The following CMTM8 variants were observed in gnomAD, a reference collection of about 807,000 sequenced individuals.
The protein encoded by CMTM8 is CKLF like MARVEL transmembrane domain containing 8.
Under a neutral mutation model 18.6 loss-of-function variants are expected in CMTM8, and 12 were observed. The observed-to-expected ratio is 0.65, with a 90% CI of 0.41 to 1.05. The LOEUF (loss-of-function observed/expected upper bound fraction) is 1.05. Ranked by LOEUF, CMTM8 falls within the 50% of genes least tolerant of loss-of-function variation. The pLI, the probability that CMTM8 is intolerant of heterozygous loss-of-function variation, is 0.00. For missense variants in CMTM8, 217 were observed against 227.2 expected, an observed-to-expected ratio of 0.95 and a Z score of 0.29; for synonymous variants, 87 against 90.6, an observed-to-expected ratio of 0.96 and a Z score of 0.23.
In CMTM8 at chr3:32,358,883, A is replaced by G. The variant is rs1446332653; in HGVS notation, c.321+1337A>G. ...AAGACTCGCTTAGATGCTAGATTCA[A>G]AAAAAGTTAGCACCTTGAAGTAATA... is the stretch of plus-strand genomic sequence containing the variant. On this transcript the variant is annotated intron_variant, in intron 2 of 3. Coordinates refer to ENST00000307526, the MANE Select transcript of CMTM8 (RefSeq NM_178868.5). This position sits in a 1 kb window ranked among gnomAD's most constrained non-coding sequence, Gnocchi z 4.1. Among the ~76,000 whole-genome samples the G allele has an allele frequency of 6.6e-5, 10 of 152,200 alleles. No homozygotes were observed. The highest frequency in any genetic ancestry group is 5.9e-5 in the Non-Finnish European group (4 of 68,028).
intron 1 of CMTM8, among the ~76,000 whole-genome samples, chr3:32,267,960 A>C (rs1384677524): frequency 2.0e-5 from 3 of 152,192 alleles, no homozygotes. Flanking sequence ...GCTGGAGAGG[A>C]TGTGGAGAAA....
chr3:32,267,769 C>T (rs970526871), intron 1 of CMTM8, among the ~76,000 whole-genome samples: 8 of 152,016 alleles, frequency 5.3e-5, no homozygotes, highest in Admixed American at 4.6e-4. Context: ...AAAACAACCC[C>T]ATCAAAAAGT....
chr3:32,362,725 C>T (rs1696960718), intron 2 of CMTM8, among the ~76,000 whole-genome samples: 1 of 152,074 alleles, frequency 6.6e-6, no homozygotes, highest in Admixed American at 6.6e-5. Flanking sequence ...TGTAAATCTT[C>T]CAAAAGACCC....
At chr3:32,267,809 A>G (rs985194681) in intron 1 of CMTM8, among the ~76,000 whole-genome samples, 3 of 152,260 alleles carry the variant, frequency 2.0e-5, no homozygotes, top group African/African-American at 7.2e-5. Flanking sequence ...ACACTTCTCA[A>G]AAGAAGACAT....
upstream of CMTM8, chr3:32,238,537 C>T (rs1701897694): frequency 6.5e-6 from 1 of 153,280 alleles, no homozygotes; most frequent in East Asian, 1.9e-4. Context: ...ACCCAGCCAC[C>T]CTGGGTGCGA....
At chr3:32,272,973 A>C (rs981242682) in intron 1 of CMTM8, among the ~76,000 whole-genome samples, 1 of 152,214 alleles carries the variant, frequency 6.6e-6, no homozygotes. Context: ...AGATATACAG[A>C]CAGCCAATAA....
chr3:32,354,998 C>T (rs1466624241), intron 1 of CMTM8, among the ~76,000 whole-genome samples: 3 of 152,154 alleles, frequency 2.0e-5, no homozygotes, highest in African/African-American at 4.8e-5. Flanking sequence ...CTCTGGAATT[C>T]ATATACTAAC....
At chr3:32,295,023 C>G (rs1378225189) in intron 1 of CMTM8, among the ~76,000 whole-genome samples, 3 of 152,020 alleles carry the variant, frequency 2.0e-5, no homozygotes, top group South Asian at 2.1e-4. Flanking sequence ...CCACTGCAAT[C>G]CAGCCTGGGT....
At chr3:32,259,035 C>T in intron 1 of CMTM8, 1 of 364,240 alleles carries the variant, frequency 2.7e-6, no homozygotes, top group Non-Finnish European at 5.3e-6. Context: ...GTCAGCAGTG[C>T]AGCAAGCATC....
intron 1 of CMTM8, among the ~76,000 whole-genome samples, chr3:32,301,920 A>G (rs945296985): frequency 6.6e-6 from 1 of 152,052 alleles, no homozygotes. Flanking sequence ...GCTTGAATTC[A>G]TAGTCATTAA....
At chr3:32,241,979 A>G (rs999591207) in intron 1 of CMTM8, among the ~76,000 whole-genome samples, 2 of 152,246 alleles carry the variant, frequency 1.3e-5, no homozygotes, top group Non-Finnish European at 2.9e-5. Context: ...AATCGTCTTC[A>G]TGACTGGCCT....
At chr3:32,281,407 AG>A (rs1270921743) in intron 1 of CMTM8, among the ~76,000 whole-genome samples, 1 of 152,206 alleles carries the variant, frequency 6.6e-6, no homozygotes, top group Admixed American at 6.5e-5. Flanking sequence ...TCTTGGGGGT[AG>A]GGAGGGAAAT....
chr3:32,288,005 C>T (rs4380451), intron 1 of CMTM8, among the ~76,000 whole-genome samples: 39,524 of 152,030 alleles, frequency 0.26, 5,419 homozygotes, highest in Admixed American at 0.32. Flanking sequence ...TTAATTCACA[C>T]GATACATTAT....
At chr3:32,366,337 A>G (rs915404853) in intron 2 of CMTM8, among the ~76,000 whole-genome samples, 1 of 152,138 alleles carries the variant, frequency 6.6e-6, no homozygotes, top group Non-Finnish European at 1.5e-5. Flanking sequence ...GGATCATTGC[A>G]TGTTCACAGG....
chr3:32,306,362 C>G (rs1185836887), intron 1 of CMTM8, among the ~76,000 whole-genome samples: 1 of 152,198 alleles, frequency 6.6e-6, no homozygotes, highest in East Asian at 1.9e-4. Flanking sequence ...AGGCACGAGT[C>G]CAATCCACAA....
At chr3:32,252,674 G>A (rs553095874) in intron 1 of CMTM8, among the ~76,000 whole-genome samples, 2 of 152,310 alleles carry the variant, frequency 1.3e-5, no homozygotes, top group South Asian at 2.1e-4. Context: ...TGATTTATAA[G>A]AAAGCTGTTA....
intron 1 of CMTM8, chr3:32,260,091 A>C (rs1454973348): frequency 1.5e-5 from 16 of 1,058,434 alleles, no homozygotes; most frequent in Non-Finnish European, 2.3e-5. Context: ...CGCCTGTTGG[A>C]AGATGGCGAG....
intron 1 of CMTM8, among the ~76,000 whole-genome samples, chr3:32,290,392 C>T (rs1702759029): frequency 6.6e-6 from 1 of 152,124 alleles, no homozygotes; most frequent in Non-Finnish European, 1.5e-5. Flanking sequence ...TGGGAAGCAT[C>T]AGTATTGTAA....
In CMTM8 at chr3:32,367,867, C is replaced by T; in HGVS notation, c.322-5C>T. On this transcript the variant is annotated splice_polypyrimidine_tract_variant and splice_region_variant and intron_variant, in intron 2 of 3. Transcript: ENST00000307526. ...CCTAAACACTCTGCCCCTGTGTCCC[C>T]CCAGGGCCTGTGCTTTAACGGCAGT... 5.6e-6 allele frequency: 9 copies of T among 1,608,096 alleles called. No individual in the cohort carries two copies. Among genetic ancestry groups the T allele is most frequent in the Non-Finnish European group, 6.8e-6 (8 of 1,174,944 alleles).
Sources: allele counts gnomAD v4.1 joint callset (sites outside exome capture counted in the v4.1 genomes callset), GRCh38; gene constraint gnomAD v4.1.1; non-coding constraint Gnocchi (gnomAD v3.1); transcripts MANE v1.5; gene names NCBI Gene and HGNC (gene_info 2026-07-23, HGNC 2026-07-21).